The following ASIC1 variants were observed in gnomAD, a reference collection of about 807,000 sequenced individuals.
The protein encoded by ASIC1 is acid sensing ion channel subunit 1, also known as acid-sensing ion channel 1.
Under a neutral mutation model 63.4 loss-of-function variants are expected in ASIC1, and 21 were observed. The ratio of observed to expected loss-of-function variants is 0.33; its 90% confidence interval spans 0.23 to 0.48. The LOEUF (loss-of-function observed/expected upper bound fraction) is 0.48, where lower values mean the gene tolerates loss of function less well. Ranked by LOEUF, ASIC1 falls within the 20% of genes least tolerant of loss-of-function variation. The pLI is 0.99. For synonymous variants in ASIC1, 258 were observed against 278.2 expected (o/e 0.93, Z 0.72); for missense variants, 478 against 695.5 (o/e 0.69, Z 3.52).
intron 3 of ASIC1, among the ~76,000 whole-genome samples, chr12:50,072,936 A>C (rs954911930): frequency 6.6e-6 from 1 of 151,972 alleles, no homozygotes; most frequent in African/African-American, 2.4e-5. Context: ...CGGGGACTGG[A>C]ATTGGAGGTC....
At chr12:50,080,663 G>A in intron 9 of ASIC1, 74 bp downstream of exon 9, 1 of 1,613,840 alleles carries the variant, frequency 6.2e-7, no homozygotes. Flanking sequence ...CAAAAGCAGG[G>A]TGCTCACTTC....
chr12:50,072,683 G>A (rs1234818436), intron 3 of ASIC1, among the ~76,000 whole-genome samples: 5 of 152,150 alleles, frequency 3.3e-5, no homozygotes, highest in African/African-American at 1.2e-4. Flanking sequence ...TGATCTGCCA[G>A]GAAGCTTTCC....
In ASIC1 at chr12:50,080,583, C is replaced by A; in HGVS notation, c.1291C>A (p.Leu431Ile). Residue 431 changes from leucine (L) to isoleucine (I), a missense_variant, in exon 9 of 12, where the codon CTC becomes ATC. Leu to Ile is a conservative substitution (Grantham distance 5). Around this residue, in one of 3 missense-constraint regions of ASIC1, gnomAD observed 84 missense variants for 183.5 expected, o/e 0.46. Transcript: ENST00000447966. ...GAAGAAGGCCTATGAGATTGCAGGG[C>A]TCCTGGGTGAGCTGCTGATGACACC... ...EQKKAYEIAG[L>I]LGDIGGQMGL... is the part of the protein sequence containing the mutation. The A allele has an allele frequency of 3.7e-6, 6 of 1,614,228 alleles. No homozygotes were observed. Among genetic ancestry groups the A allele is most frequent in the Non-Finnish European group, 5.1e-6 (6 of 1,180,042 alleles).
At chr12:50,075,023 C>T (rs1950640446) in intron 3 of ASIC1, among the ~76,000 whole-genome samples, 1 of 151,980 alleles carries the variant, frequency 6.6e-6, no homozygotes, top group Non-Finnish European at 1.5e-5. Flanking sequence ...TGGCCCCCCA[C>T]CCAGGGGTCC....
At position 50,059,232 on chromosome 12, in the gene ASIC1, C is replaced by G. The variant is rs1454592743; in HGVS notation, c.362+104C>G. 1.7e-5 allele frequency: 25 copies of G among 1,469,128 alleles called. 1 individual carries two copies. The South Asian group carries it at 3.1e-4, about 18-fold the overall frequency. 91.0% of individuals were successfully genotyped at this position (1,469,128 alleles called of 1,614,324 possible). On this transcript the variant is annotated intron_variant, in intron 2 of 11. Coordinates refer to ENST00000447966, the MANE Select transcript of ASIC1 (RefSeq NM_001095.4). The surrounding 1 kb of genome is among the most constrained non-coding windows in gnomAD (Gnocchi z 4.6). ...ACCATAGAGCCCAGCCAACCCTGCCCTTTAACCCACCCCCACCCCCAAACC... is the reference window on the plus strand; with the variant it reads ...ACCATAGAGCCCAGCCAACCCTGCCGTTTAACCCACCCCCACCCCCAAACC...
chr12:50,074,292 T>A lies in ASIC1; in HGVS notation c.559-2921T>A, dbSNP rs866416465. 2.1e-6 allele frequency: 3 copies of A among 1,412,068 alleles called. No homozygotes were observed. In the African/African-American group the frequency reaches 4.4e-5, roughly 20 times the overall value. 87.5% of individuals were successfully genotyped at this position (1,412,068 alleles called of 1,614,324 possible). A position where few individuals can be genotyped will look rare whatever the true frequency, so the allele number is the denominator to read the frequency against. On this transcript the variant is annotated intron_variant, in intron 3 of 11. Transcript: ENST00000447966. The surrounding 1 kb of genome is among the most constrained non-coding windows in gnomAD (Gnocchi z 4.2). Reference sequence around the variant, plus strand: ...CACAGTACCCCAAGAGTGTCTGCCATGGCTGTCCCTGACTGTCACCTCCTG... The same window carrying A: ...CACAGTACCCCAAGAGTGTCTGCCAAGGCTGTCCCTGACTGTCACCTCCTG...
chr12:50,068,054 A>G (rs1295352876), intron 3 of ASIC1, among the ~76,000 whole-genome samples: 1 of 152,198 alleles, frequency 6.6e-6, no homozygotes, highest in Non-Finnish European at 1.5e-5. Flanking sequence ...CTGTTCTAAC[A>G]GTATAGATCA....
At position 50,080,553 on chromosome 12, in the gene ASIC1, G is replaced by C. The variant is rs1219246848; in HGVS notation, c.1261G>C (p.Glu421Gln). The change falls in exon 9 of 12, where the codon GAA (glutamate) becomes CAA (glutamine). Residue 421 changes from glutamate to glutamine, a missense_variant. By Grantham distance (29) the Glu-to-Gln change is conservative (BLOSUM62 2). Transcript: ENST00000447966. ...TGAAGTCCTCAACTATGAGACCATT[G>C]AACAGAAGAAGGCCTATGAGATTGC... ...FFEVLNYETI[E>Q]QKKAYEIAGL... 20 of 1,614,046 alleles carry C rather than the reference G, an allele frequency of 1.2e-5. No individual in the cohort carries two copies. The highest frequency in any genetic ancestry group is 1.7e-5 in the Non-Finnish European group (20 of 1,180,036).
intron 3 of ASIC1, among the ~76,000 whole-genome samples, chr12:50,065,369 G>T (rs1950536559): frequency 6.6e-6 from 1 of 152,118 alleles, no homozygotes; most frequent in African/African-American, 2.4e-5. Flanking sequence ...AGGGCTCCTG[G>T]TCTCTATTTT....
At chr12:50,058,668 A>C in intron 1 of ASIC1, 83 bp from the exon 2 acceptor site, 1 of 1,483,878 alleles carries the variant, frequency 6.7e-7, no homozygotes, top group Non-Finnish European at 9.0e-7. Flanking sequence ...GGAGATGAGG[A>C]TTCTGGATGG....
At chr12:50,069,445 C>G (rs1171785530) in intron 3 of ASIC1, among the ~76,000 whole-genome samples, 1 of 152,102 alleles carries the variant, frequency 6.6e-6, no homozygotes, top group Non-Finnish European at 1.5e-5. Context: ...AGTCATGTGT[C>G]ACCATGCCTG....
At position 50,078,100 on chromosome 12, in the gene ASIC1, G is replaced by A. The variant is rs1950676497; in HGVS notation, c.810G>A (p.Gln270=). ...QLGFGVAPGF[Q]TFVACQEQRL... ...GCTTTGGCGTGGCCCCAGGCTTCCA[G>A]ACCTTTGTGGCCTGCCAGGAGCAGC... The change falls in exon 5 of 12, where the codon CAG becomes CAA. Residue 270 remains glutamine (Q), a synonymous_variant. Coordinates refer to ENST00000447966, the MANE Select transcript of ASIC1 (RefSeq NM_001095.4). This position sits in a 1 kb window ranked among gnomAD's most constrained non-coding sequence, Gnocchi z 6.0. The A allele has an allele frequency of 1.9e-6, 3 of 1,613,974 alleles. No individual in the cohort carries two copies. Among genetic ancestry groups the A allele is most frequent in the South Asian group, 1.1e-5 (1 of 91,082 alleles).
Position 50,078,130 on chromosome 12 carries a change from G to A in ASIC1, c.837+3G>A. 6.2e-7 allele frequency: 1 copy of A among 1,612,088 alleles called. No homozygotes were observed. The highest frequency in any genetic ancestry group is 8.5e-7 in the Non-Finnish European group (1 of 1,178,954). On this transcript the variant is annotated splice_donor_region_variant and intron_variant, in intron 5 of 11. Transcript: ENST00000447966. This position sits in a 1 kb window ranked among gnomAD's most constrained non-coding sequence, Gnocchi z 6.0. ...TTGTGGCCTGCCAGGAGCAGCGGGT[G>A]AGAGGGCCATGGGAGGCTGGTCCTG...
At chr12:50,073,986 G>T (rs706793) in intron 3 of ASIC1, 9 of 1,535,458 alleles carry the variant, frequency 5.9e-6, no homozygotes, top group African/African-American at 1.4e-5. Context: ...TGGCCTTCCC[G>T]GCAGTCACCC....
At chr12:50,075,155 C>T (rs1950641975) in intron 3 of ASIC1, among the ~76,000 whole-genome samples, 1 of 152,126 alleles carries the variant, frequency 6.6e-6, no homozygotes. Context: ...GCCTTCCCTG[C>T]CCCACACACC....
rs777915155 is a variant in ASIC1 at position 50,058,984 on chromosome 12, A to G, written c.218A>G (p.His73Arg). ...GTGCAGTACTACTTCCACTACCACC[A>G]TGTCACCAAGCTCGACGAGGTGGCT... ...ERVQYYFHYHHVTKLDEVAAS... is the reference protein window; with the variant it reads ...ERVQYYFHYHRVTKLDEVAAS... The change falls in exon 2 of 12, where the codon CAT (histidine) becomes CGT (arginine). Residue 73 changes from histidine to arginine, a missense_variant. His to Arg is a conservative substitution (Grantham distance 29). Transcript: ENST00000447966. 36 of 1,613,968 alleles carry G rather than the reference A, an allele frequency of 2.2e-5. No individual in the cohort carries two copies. The highest frequency in any genetic ancestry group is 2.9e-5 in the Non-Finnish European group (34 of 1,180,020).
rs1950478343 is a variant in ASIC1 at position 50,059,275 on chromosome 12, G to A, written c.362+147G>A. ...CCCAAACCTGCCACTCACAGCAGAG[G>A]AGTTAGGGTGCTGCTGAGCACCCAG... On this transcript the variant is annotated intron_variant, in intron 2 of 11. Transcript: ENST00000447966. The surrounding 1 kb of genome is among the most constrained non-coding windows in gnomAD (Gnocchi z 4.6). 2 of 1,233,654 alleles carry A rather than the reference G, an allele frequency of 1.6e-6. No homozygotes were observed. Among genetic ancestry groups the A allele is most frequent in the Non-Finnish European group, 2.2e-6 (2 of 906,180 alleles). The allele number at this position is 1,233,654 out of a possible 1,614,324, so 76.4% of individuals were successfully genotyped here.
At position 50,081,275 on chromosome 12, in the gene ASIC1, C is replaced by G. The variant is rs779277966; in HGVS notation, c.1393C>G (p.Leu465Val). Reference sequence around the variant, plus strand: ...CCCGTCCTAGGTCATTAAGCACAAGCTGTGCCGACGAGGAAAATGCCAGAA... The same window carrying G: ...CCCGTCCTAGGTCATTAAGCACAAGGTGTGCCGACGAGGAAAATGCCAGAA... ...DYAYEVIKHK[L>V]CRRGKCQKEA... is the part of the protein sequence containing the mutation. The change falls in exon 11 of 12, where the codon CTG becomes GTG. Residue 465 changes from leucine (L) to valine (V), a missense_variant. Physicochemically the swap from Leu to Val is conservative, Grantham distance 32 (BLOSUM62 1). Around this residue, in one of 3 missense-constraint regions of ASIC1, gnomAD observed 104 missense variants for 97.0 expected, o/e 1.07. Coordinates refer to ENST00000447966, the MANE Select transcript of ASIC1 (RefSeq NM_001095.4). 6.2e-7 allele frequency: 1 copy of G among 1,609,328 alleles called. No homozygotes were observed. The highest frequency in any genetic ancestry group is 8.5e-7 in the Non-Finnish European group (1 of 1,177,892).
rs567208620 is a variant in ASIC1, at chr12:50,074,005, A to G, written c.559-3208A>G. On this transcript the variant is annotated intron_variant, in intron 3 of 11. Transcript: ENST00000447966. The surrounding 1 kb of genome is among the most constrained non-coding windows in gnomAD (Gnocchi z 4.2). ...CTTCCCGGCAGTCACCCTCTGCAACACTAATGCTGTGCGGCTGTCCCAGCT... is the reference window on the plus strand; with the variant it reads ...CTTCCCGGCAGTCACCCTCTGCAACGCTAATGCTGTGCGGCTGTCCCAGCT... 5 of 1,535,318 alleles carry G rather than the reference A, an allele frequency of 3.3e-6. No individual in the cohort carries two copies. Among genetic ancestry groups the G allele is most frequent in the African/African-American group, 2.7e-5 (2 of 73,014 alleles).
Sources: allele counts gnomAD v4.1 joint callset (sites outside exome capture counted in the v4.1 genomes callset), GRCh38; gene constraint gnomAD v4.1.1; regional missense constraint gnomAD v4.1.1; non-coding constraint Gnocchi (gnomAD v3.1); transcripts MANE v1.5; gene names NCBI Gene and HGNC (gene_info 2026-07-23, HGNC 2026-07-21).